The following NKAIN3 variants were observed in gnomAD, a reference collection of about 807,000 sequenced individuals.
The protein encoded by NKAIN3 is sodium/potassium transporting ATPase interacting 3.
NKAIN3 carries 25 observed loss-of-function variants against 30.2 expected under a neutral mutation model. That is an observed-to-expected ratio of 0.83 (90% CI 0.60 to 1.16). The LOEUF (loss-of-function observed/expected upper bound fraction) is 1.16, where lower values mean the gene tolerates loss of function less well. NKAIN3 is among the 50% of genes most tolerant of loss of function. The probability of loss-of-function intolerance (pLI) is 0.00; values close to 1 mark genes in which losing one functional copy is unlikely to be tolerated. For synonymous variants in NKAIN3, 91 were observed against 89.6 expected, an observed-to-expected ratio of 1.02 and a Z score of -0.09; for missense variants, 225 against 254.1, an observed-to-expected ratio of 0.89 and a Z score of 0.78.
At chr8:62,655,196 G>A (rs556642420) in intron 3 of NKAIN3, among the ~76,000 whole-genome samples, 14 of 152,246 alleles carry the variant, frequency 9.2e-5, no homozygotes, top group African/African-American at 3.4e-4. Flanking sequence ...GCTGAAGGAG[G>A]TCCAGAGGTT....
At chr8:62,634,671 A>G (rs1272357353) in intron 3 of NKAIN3, among the ~76,000 whole-genome samples, 2 of 152,198 alleles carry the variant, frequency 1.3e-5, no homozygotes, top group African/African-American at 4.8e-5. Flanking sequence ...AGGGACAGCT[A>G]GGAGAGGAGA....
chr8:62,644,615 G>A (rs947989147), intron 3 of NKAIN3, among the ~76,000 whole-genome samples: 1 of 152,106 alleles, frequency 6.6e-6, no homozygotes, highest in African/African-American at 2.4e-5. Context: ...AATGAAGTCT[G>A]TGGAAAGGAC....
intron 4 of NKAIN3, among the ~76,000 whole-genome samples, chr8:62,888,767 C>A (rs751056528): frequency 2.0e-5 from 3 of 152,174 alleles, no homozygotes; most frequent in Admixed American, 6.5e-5. Flanking sequence ...TTCAACCCTT[C>A]CTATCTGAAG....
chr8:62,534,982 A>G (rs556079217), intron 1 of NKAIN3, among the ~76,000 whole-genome samples: 1 of 151,824 alleles, frequency 6.6e-6, no homozygotes, highest in Admixed American at 6.6e-5. Context: ...TCCATTGCAG[A>G]TGTATAATTG....
intron 4 of NKAIN3, among the ~76,000 whole-genome samples, chr8:62,778,661 C>G (rs1338502547): frequency 1.3e-5 from 2 of 152,100 alleles, no homozygotes; most frequent in African/African-American, 4.8e-5. Context: ...GGGCGAGAGA[C>G]TGGAATCAAA....
At chr8:62,771,835 A>C (rs1280728846) in intron 4 of NKAIN3, among the ~76,000 whole-genome samples, 1 of 152,158 alleles carries the variant, frequency 6.6e-6, no homozygotes, top group Non-Finnish European at 1.5e-5. Context: ...TGATACAGGC[A>C]TACAATGCAT....
chr8:62,318,887 G>C (rs1814764385), intron 1 of NKAIN3, among the ~76,000 whole-genome samples: 1 of 152,170 alleles, frequency 6.6e-6, no homozygotes, highest in Non-Finnish European at 1.5e-5. Context: ...TCTATTGATT[G>C]GAATAGTTTC....
rs545566863 is a variant in NKAIN3, at chr8:62,643,282, G to A, written c.273+53488G>A. Among the ~76,000 whole-genome samples the A allele has an allele frequency of 7.6e-4, 115 of 152,116 alleles. 1 individual carries two copies. The highest frequency in any genetic ancestry group is 1.5e-3 in the Non-Finnish European group (104 of 68,014). On this transcript the variant is annotated intron_variant, in intron 3 of 6. Coordinates refer to ENST00000623646, the MANE Select transcript of NKAIN3 (RefSeq NM_001304533.3). Reference sequence around the variant, plus strand: ...AAAATAATGCACAATCAGCTAGGAAGTTAACACACTAAAACATAACTTAAA... The same window carrying A: ...AAAATAATGCACAATCAGCTAGGAAATTAACACACTAAAACATAACTTAAA...
chr8:62,319,495 T>C (rs1814793522), intron 1 of NKAIN3, among the ~76,000 whole-genome samples: 1 of 152,180 alleles, frequency 6.6e-6, no homozygotes. Context: ...CTCTACACAC[T>C]GCTTTATATG....
chr8:62,842,548 C>A (rs990625931), intron 4 of NKAIN3, among the ~76,000 whole-genome samples: 4 of 152,002 alleles, frequency 2.6e-5, no homozygotes, highest in African/African-American at 9.7e-5. Context: ...CCCCAGATAA[C>A]CAAAGTAATC....
At chr8:62,868,726 T>C (rs186985604) in intron 4 of NKAIN3, among the ~76,000 whole-genome samples, 1 of 152,312 alleles carries the variant, frequency 6.6e-6, no homozygotes, top group East Asian at 1.9e-4. Flanking sequence ...GCATTCAACG[T>C]TTATAAACCC....
At chr8:62,668,082 C>A (rs1395374608) in intron 3 of NKAIN3, among the ~76,000 whole-genome samples, 1 of 145,574 alleles carries the variant, frequency 6.9e-6, no homozygotes, top group Non-Finnish European at 1.5e-5. Flanking sequence ...ATCCAGGCCC[C>A]ACCTCACACA....
chr8:62,562,657 C>CTG (rs1300122527), intron 1 of NKAIN3, among the ~76,000 whole-genome samples: 2 of 152,070 alleles, frequency 1.3e-5, no homozygotes, highest in Non-Finnish European at 2.9e-5. Context: ...ACACCATCAA[C>CTG]TGTGTGTTAC....
intron 4 of NKAIN3, among the ~76,000 whole-genome samples, chr8:62,757,004 G>T (rs563820351): frequency 1.3e-5 from 2 of 151,954 alleles, no homozygotes; most frequent in Admixed American, 1.3e-4. Flanking sequence ...TATGACATTT[G>T]GTAAACTTAA....
chr8:62,516,727 T>C (rs1808004455), intron 1 of NKAIN3, among the ~76,000 whole-genome samples: 2 of 152,156 alleles, frequency 1.3e-5, no homozygotes, highest in South Asian at 2.1e-4. Context: ...GGCTAAGTTA[T>C]TCCCTAGAAA....
chr8:62,623,921 C>T (rs531856780), intron 3 of NKAIN3, among the ~76,000 whole-genome samples: 67 of 152,132 alleles, frequency 4.4e-4, no homozygotes, highest in South Asian at 3.5e-3. Context: ...ATACTTATTT[C>T]TTGAGTATAT....
At chr8:62,683,090 G>A (rs933989337) in intron 3 of NKAIN3, among the ~76,000 whole-genome samples, 33 of 152,110 alleles carry the variant, frequency 2.2e-4, no homozygotes, top group Non-Finnish European at 5.9e-5. Context: ...CTGGAGTGCA[G>A]TGGAACGATC....
At chr8:62,482,094 A>C (rs560707364) in intron 1 of NKAIN3, 1 of 152,214 alleles carries the variant, frequency 6.6e-6, no homozygotes, top group Non-Finnish European at 1.5e-5. Flanking sequence ...TTCTAGGAAG[A>C]TACTTTCCAT....
intron 1 of NKAIN3, among the ~76,000 whole-genome samples, chr8:62,513,735 G>T (rs544544678): frequency 6.6e-6 from 1 of 151,746 alleles, no homozygotes; most frequent in East Asian, 1.9e-4. Context: ...GCTAGGTGTG[G>T]TGGCGCACAC....
Sources: allele counts gnomAD v4.1 joint callset (sites outside exome capture counted in the v4.1 genomes callset), GRCh38; gene constraint gnomAD v4.1.1; transcripts MANE v1.5; gene names NCBI Gene and HGNC (gene_info 2026-07-23, HGNC 2026-07-21).